The following PPARG variants were observed in gnomAD, a reference collection of about 807,000 sequenced individuals.
PPARG encodes peroxisome proliferator-activated receptor gamma.
In PPARG, 17 loss-of-function variants were observed where a neutral mutation model predicts 39.2. The observed-to-expected ratio is 0.43, with a 90% CI of 0.30 to 0.65. The LOEUF (loss-of-function observed/expected upper bound fraction) is 0.65. PPARG is among the 30% of genes least tolerant of loss of function. PPARG has a pLI of 0.13. For synonymous variants in PPARG, 223 were observed against 215.7 expected, an observed-to-expected ratio of 1.03 and a Z score of -0.30; for missense variants, 406 against 585.9, an observed-to-expected ratio of 0.69 and a Z score of 3.17.
chr3:12,336,576 A>G (rs2048019741), intron 2 of PPARG, among the ~76,000 whole-genome samples: 1 of 152,208 alleles, frequency 6.6e-6, no homozygotes, highest in Admixed American at 6.5e-5. Flanking sequence ...TCTACTCTGA[A>G]ATTAATTTTA....
At chr3:12,370,462 A>G (rs1429372367) in intron 2 of PPARG, among the ~76,000 whole-genome samples, 1 of 152,204 alleles carries the variant, frequency 6.6e-6, no homozygotes, top group African/African-American at 2.4e-5. Flanking sequence ...AAAACTGAGG[A>G]ACAACTCAGG....
At chr3:12,354,001 A>G (rs947761685) in intron 2 of PPARG, among the ~76,000 whole-genome samples, 2 of 152,220 alleles carry the variant, frequency 1.3e-5, no homozygotes, top group South Asian at 4.1e-4. Context: ...TGATTGAGCA[A>G]TGGAAATATG....
intron 2 of PPARG, among the ~76,000 whole-genome samples, chr3:12,316,374 C>T (rs1363767279): frequency 6.6e-6 from 1 of 152,082 alleles, no homozygotes; most frequent in Non-Finnish European, 1.5e-5. Flanking sequence ...ACAGAAGTTG[C>T]ACCTAAAGTA....
At chr3:12,330,287 TACA>T (rs145547559) in intron 2 of PPARG, among the ~76,000 whole-genome samples, 2,493 of 131,792 alleles carry the variant, frequency 0.019, 80 homozygotes, top group African/African-American at 0.065. Context: ...TCTACATTGC[TACA>T]ACACCTTTTT....
In PPARG at chr3:12,310,613, G is replaced by A. The variant is rs1267431338; in HGVS notation, c.-82-1767G>A. ...CAAGTAGCTGGGACTACAGGCGCCC[G>A]CCACTACGCCCGGCTAATTTTTTGT... is the stretch of plus-strand genomic sequence containing the variant. On this transcript the variant is annotated intron_variant, in intron 1 of 7. Coordinates refer to ENST00000651735, the MANE Select transcript of PPARG (RefSeq NM_138711.6). Among the ~76,000 whole-genome samples the A allele has an allele frequency of 1.1e-4, 14 of 123,310 alleles. 1 individual carries two copies. The highest frequency in any genetic ancestry group is 5.3e-4 in the South Asian group (2 of 3,744). The allele number at this position is 123,310 out of a possible 152,430, so 80.9% of individuals were successfully genotyped here. A position where few individuals can be genotyped will look rare whatever the true frequency, so the allele number is the denominator to read the frequency against.
At chr3:12,295,171 A>G (rs1229296231) in intron 1 of PPARG, among the ~76,000 whole-genome samples, 5 of 152,172 alleles carry the variant, frequency 3.3e-5, no homozygotes, top group Admixed American at 2.6e-4. Context: ...TTCCTTACTG[A>G]ATGTTATCCT....
At chr3:12,381,180 C>T (rs2049638641) in intron 3 of PPARG, 142 bp from the exon 4 acceptor site, 2 of 830,308 alleles carry the variant, frequency 2.4e-6, no homozygotes, top group African/African-American at 3.4e-5. Flanking sequence ...GCCTTAACTC[C>T]AGTGTTTTTT....
chr3:12,328,684 C>A (rs1339768419), intron 2 of PPARG, among the ~76,000 whole-genome samples: 1 of 152,222 alleles, frequency 6.6e-6, no homozygotes, highest in Non-Finnish European at 1.5e-5. Context: ...TCAGCTCCTG[C>A]TCCCTCTGCA....
chr3:12,393,349 T>C (rs986141389), intron 5 of PPARG, among the ~76,000 whole-genome samples: 2 of 152,250 alleles, frequency 1.3e-5, no homozygotes, highest in East Asian at 3.9e-4. Flanking sequence ...AGAATAAAAC[T>C]TTCTACTTTT....
chr3:12,326,974 A>C (rs2047713235), intron 2 of PPARG, among the ~76,000 whole-genome samples: 1 of 152,022 alleles, frequency 6.6e-6, no homozygotes, highest in Non-Finnish European at 1.5e-5. Flanking sequence ...GATTTTGATT[A>C]CTTTTTTTTC....
intron 5 of PPARG, among the ~76,000 whole-genome samples, chr3:12,403,227 A>G (rs1207616277): frequency 2.0e-5 from 3 of 149,720 alleles, no homozygotes; most frequent in Non-Finnish European, 4.4e-5. Context: ...CAGGAGGTCG[A>G]GGCTGCAGTG....
intron 2 of PPARG, among the ~76,000 whole-genome samples, chr3:12,347,814 A>G (rs17036326): frequency 0.13 from 20,311 of 152,162 alleles, 1,429 homozygotes; most frequent in African/African-American, 0.17. Context: ...CTCATCATCA[A>G]CAAAAACAAT....
chr3:12,342,738 C>G (rs987603336), intron 2 of PPARG, among the ~76,000 whole-genome samples: 2 of 150,882 alleles, frequency 1.3e-5, no homozygotes, highest in African/African-American at 4.9e-5. Context: ...TTTTACCAGT[C>G]TGTATTTTCT....
chr3:12,373,318 G>T (rs931657227), intron 2 of PPARG, among the ~76,000 whole-genome samples: 6 of 152,142 alleles, frequency 3.9e-5, no homozygotes, highest in South Asian at 2.1e-4. Context: ...AAGGGGAAAA[G>T]TGTGTTTGGG....
At chr3:12,332,856 C>T (rs1023491664) in intron 2 of PPARG, among the ~76,000 whole-genome samples, 1 of 151,992 alleles carries the variant, frequency 6.6e-6, no homozygotes, top group Admixed American at 6.6e-5. Context: ...CATAGTGAGA[C>T]CCCATCTCTA....
intron 2 of PPARG, among the ~76,000 whole-genome samples, chr3:12,330,106 T>C (rs144912437): frequency 7.3e-4 from 111 of 152,312 alleles, no homozygotes; most frequent in African/African-American, 2.6e-3. Flanking sequence ...AACATTGGTG[T>C]TCAAGTATCT....
intron 7 of PPARG, among the ~76,000 whole-genome samples, chr3:12,419,716 C>G (rs911255087): frequency 2.0e-5 from 3 of 152,112 alleles, no homozygotes; most frequent in African/African-American, 7.2e-5. Flanking sequence ...ATCCACCTGC[C>G]TCAGCCTCAC....
At chr3:12,288,500 C>G (rs949499067), upstream of PPARG, among the ~76,000 whole-genome samples, 13 of 151,758 alleles carry the variant, frequency 8.6e-5, no homozygotes, top group African/African-American at 3.1e-4. Context: ...GCGCAAGCGT[C>G]GGGAGCCGCT....
intron 4 of PPARG, among the ~76,000 whole-genome samples, chr3:12,389,882 G>A (rs1214060643): frequency 6.6e-6 from 1 of 152,144 alleles, no homozygotes; most frequent in African/African-American, 2.4e-5. Flanking sequence ...GAGCAAGAGA[G>A]CGAGACTCTG....
Sources: gnomAD v4.1 joint callset for allele counts (sites outside exome capture counted in the v4.1 genomes callset) on GRCh38, gnomAD v4.1.1 for gene constraint, MANE v1.5 for transcripts, NCBI Gene and HGNC (gene_info 2026-07-23, HGNC 2026-07-21) for gene names.